Variants in POGLUT2 observed in about 807,000 individuals in gnomAD.
POGLUT2 encodes protein O-glucosyltransferase 2.
Under a neutral mutation model 57.6 loss-of-function variants are expected in POGLUT2, and 47 were observed. The ratio of observed to expected loss-of-function variants is 0.82; its 90% CI spans 0.65 to 1.04. The LOEUF is 1.04. Ranked by LOEUF, POGLUT2 falls within the 50% of genes least tolerant of loss-of-function variation. The pLI, the probability that POGLUT2 is intolerant of heterozygous loss-of-function variation, is 0.00. For missense variants in POGLUT2, 565 were observed against 614.8 expected (o/e 0.92, Z 0.86); for synonymous variants, 200 against 218.8 (o/e 0.91, Z 0.76).
Position 102,789,113 on chromosome 13 carries a change from A to C in POGLUT2, c.1192T>G (p.Phe398Val). ...TTCCAGGGCTGCAGCTCATTGTAAA[A>C]ATGTTCATAGTAGATGGAATCCTGC... ...LKQDSIYYEH[F>V]YNELQPWKHY... Residue 398 changes from phenylalanine to valine, a missense_variant, in exon 7 of 10, where the codon TTT becomes GTT. Transcript: ENST00000376004. 1 of 1,614,154 alleles carries C rather than the reference A, an allele frequency of 6.2e-7. No individual in the cohort carries two copies. Among genetic ancestry groups the C allele is most frequent in the Middle Eastern group, 1.6e-4 (1 of 6,062 alleles).
intron 2 of POGLUT2, among the ~76,000 whole-genome samples, chr13:102,794,061 G>A (rs1398778921): frequency 1.3e-5 from 2 of 151,626 alleles, no homozygotes; most frequent in Admixed American, 1.3e-4. Context: ...AACACAGGGA[G>A]ACCATGTCTC....
intron 4 of POGLUT2, among the ~76,000 whole-genome samples, chr13:102,791,789 T>C (rs907706346): frequency 1.3e-5 from 2 of 152,130 alleles, no homozygotes; most frequent in African/African-American, 2.4e-5. Context: ...TTAAAAAACA[T>C]ACACCAGGTA....
At chr13:102,790,607 A>G (rs960814328) in intron 6 of POGLUT2, among the ~76,000 whole-genome samples, 1 of 152,226 alleles carries the variant, frequency 6.6e-6, no homozygotes, top group Non-Finnish European at 1.5e-5. Flanking sequence ...GTAAGTATTA[A>G]TAAAAACATA....
At chr13:102,797,525 C>T (rs558469652) in intron 1 of POGLUT2, among the ~76,000 whole-genome samples, 1 of 152,016 alleles carries the variant, frequency 6.6e-6, no homozygotes, top group African/African-American at 2.4e-5. Context: ...GCCAGGAGTT[C>T]GAGATCAGCC....
chr13:102,798,527 G>A lies in POGLUT2; in HGVS notation c.144C>T (p.Arg48=), dbSNP rs767848413. ...GLKADVVLPA[R]YFYIQAVDTS... The stretch of plus-strand genomic sequence containing the variant: ...TATCCACTGCCTGAATATAGAAATA[G>A]CGGGCGGGAAGGACGACGTCTGCTT... Residue 48 remains arginine, a synonymous_variant, in exon 1 of 10, where the codon CGC becomes CGT. Coordinates refer to ENST00000376004, the MANE Select transcript of POGLUT2 (RefSeq NM_024089.3). 1.2e-6 allele frequency: 2 copies of A among 1,612,320 alleles called. No individual in the cohort carries two copies. Among genetic ancestry groups the A allele is most frequent in the Non-Finnish European group, 1.7e-6 (2 of 1,179,142 alleles).
chr13:102,787,471 G>T (rs1209675486), intron 8 of POGLUT2, among the ~76,000 whole-genome samples: 1 of 152,192 alleles, frequency 6.6e-6, no homozygotes, highest in Admixed American at 6.5e-5. Context: ...CAAGACAAGA[G>T]GCCCAAACAC....
intron 2 of POGLUT2, among the ~76,000 whole-genome samples, chr13:102,796,293 C>CAAAAAAAAAAAAAAAAAAA (rs151064207): frequency 9.9e-6 from 1 of 100,732 alleles, no homozygotes; most frequent in African/African-American, 3.7e-5. Context: ...GACTCTGCCT[C>CAAAAAAAAAAAAAAAAAAA]AAAAAAAAAA....
intron 4 of POGLUT2, 89 bp from the exon 5 acceptor site, chr13:102,791,519 T>C: frequency 8.3e-7 from 1 of 1,211,114 alleles, no homozygotes; most frequent in East Asian, 2.4e-5. Flanking sequence ...ATTGCATTAA[T>C]GAAAGGCCAA....
Position 102,785,577 on chromosome 13 carries a change from C to A in POGLUT2, c.1491+655G>T, listed in dbSNP as rs185105084. ...CCCTGCCACACTATAGCTTTATATA[C>A]AAGCACACACAATCACAATCTGATG... is the stretch of plus-strand genomic sequence containing the variant. On this transcript the variant is annotated intron_variant, in intron 9 of 9. Transcript: ENST00000376004. Among the ~76,000 whole-genome samples the A allele has an allele frequency of 1.8e-3, 281 of 152,182 alleles. 2 individuals are homozygous for A. Among genetic ancestry groups the A allele is most frequent in the African/African-American group, 6.4e-3 (267 of 41,516 alleles).
At chr13:102,788,009 AC>A (rs1230308745) in intron 7 of POGLUT2, 86 bp from the exon 8 acceptor site, 1 of 675,592 alleles carries the variant, frequency 1.5e-6, no homozygotes, top group African/African-American at 1.8e-5. Context: ...GAGTATGTAT[AC>A]ATTGGGGCAA....
chr13:102,786,444 G>A (rs1014391397), intron 8 of POGLUT2, 105 bp from the exon 9 acceptor site: 2 of 776,632 alleles, frequency 2.6e-6, no homozygotes, highest in African/African-American at 3.4e-5. Flanking sequence ...ACTCATGTGT[G>A]TCAAACTGTG....
In POGLUT2 at chr13:102,784,405, GTC is replaced by G; in HGVS notation, c.*88_*89del. The G allele has an allele frequency of 2.6e-6, 2 of 766,392 alleles. No homozygotes were observed. The highest frequency in any genetic ancestry group is 4.5e-6 in the Non-Finnish European group (2 of 440,884). 47.5% of individuals were successfully genotyped at this position (766,392 alleles called of 1,614,324 possible). ...CAAACAATCACACAGATTTTATATT[GTC>G]CATGGAATTAATACTTAAAAAAATT... On this transcript the variant is annotated 3_prime_UTR_variant, in exon 10 of 10. Coordinates refer to ENST00000376004, the MANE Select transcript of POGLUT2 (RefSeq NM_024089.3).
At chr13:102,787,758 T>C in intron 8 of POGLUT2, 76 bp downstream of exon 8, 1 of 729,270 alleles carries the variant, frequency 1.4e-6, no homozygotes, top group South Asian at 2.6e-5. Flanking sequence ...TGTTTAGAAA[T>C]TGTTAAGTAA....
chr13:102,787,220 T>A (rs1236414610), intron 8 of POGLUT2, among the ~76,000 whole-genome samples: 1 of 152,032 alleles, frequency 6.6e-6, no homozygotes, highest in East Asian at 1.9e-4. Context: ...CTAATTTTTG[T>A]ATTTTTAGTA....
In POGLUT2 at chr13:102,796,969, C is replaced by A. The variant is rs200980571; in HGVS notation, c.223G>T (p.Val75Phe). 1 of 1,613,640 alleles carries A rather than the reference C, an allele frequency of 6.2e-7. No homozygotes were observed. The highest frequency in any genetic ancestry group is 8.5e-7 in the Non-Finnish European group (1 of 1,179,790). The change falls in exon 2 of 10, where the codon GTC becomes TTC. Residue 75 changes from valine to phenylalanine, a missense_variant. Physicochemically the swap from Val to Phe is conservative, Grantham distance 50. Coordinates refer to ENST00000376004, the MANE Select transcript of POGLUT2 (RefSeq NM_024089.3). ...GTGAATTGCTCCTCTGGTGCTGAGACTTTCACCTGGAAGACCTTTTCGCCT... is the reference window on the plus strand; with the variant it reads ...GTGAATTGCTCCTCTGGTGCTGAGAATTTCACCTGGAAGACCTTTTCGCCT... ...SPGEKVFQVK[V>F]SAPEEQFTRV...
At chr13:102,788,688 G>C (rs1281050528) in intron 7 of POGLUT2, among the ~76,000 whole-genome samples, 10 of 152,226 alleles carry the variant, frequency 6.6e-5, no homozygotes, top group Non-Finnish European at 1.3e-4. Flanking sequence ...GTTTGACCAT[G>C]TTAGCCAGGC....
chr13:102,787,918 T>C lies in POGLUT2; in HGVS notation c.1299A>G (p.Lys433=). 4 of 1,591,692 alleles carry C rather than the reference T, an allele frequency of 2.5e-6. No homozygotes were observed. The highest frequency in any genetic ancestry group is 3.4e-6 in the Non-Finnish European group (4 of 1,164,676). Residue 433 remains lysine, a synonymous_variant, in exon 8 of 10, where the codon AAA becomes AAG. Coordinates refer to ENST00000376004, the MANE Select transcript of POGLUT2 (RefSeq NM_024089.3). ...KWAKDHDEEA[K]KIAKAGQEFA... ...ATTCTTGTCCTGCTTTTGCTATCTTTTTGGCCTACAGGAAGAACAACGACA... is the reference window on the plus strand; with the variant it reads ...ATTCTTGTCCTGCTTTTGCTATCTTCTTGGCCTACAGGAAGAACAACGACA...
At position 102,793,683 on chromosome 13, in the gene POGLUT2, T is replaced by TC. The variant is rs1439178226; in HGVS notation, c.511dup (p.Asp171GlyfsTer27). ...GATTTCTACTGCAATCTTTTCTGGATCCACAGCAGGGAAATGTGCCAGATC... is the reference window on the plus strand; with the variant it reads ...GATTTCTACTGCAATCTTTTCTGGATCCCACAGCAGGGAAATGTGCCAGATC... On this transcript the variant is annotated frameshift_variant, in exon 3 of 10. Transcript: ENST00000376004. LOFTEE classifies it high-confidence loss of function. The TC allele has an allele frequency of 6.2e-7, 1 of 1,614,090 alleles. No individual in the cohort carries two copies. The highest frequency in any genetic ancestry group is 1.3e-5 in the African/African-American group (1 of 74,922).
intron 2 of POGLUT2, 107 bp downstream of exon 2, chr13:102,796,697 A>ATATATATAT (rs1555319602): frequency 1.4e-5 from 2 of 139,112 alleles, no homozygotes; most frequent in African/African-American, 7.4e-5. Flanking sequence ...AAAAAAAAAA[A>ATATATATAT]AAATATATAT....
Sources: gnomAD v4.1 joint callset for allele counts (sites outside exome capture counted in the v4.1 genomes callset) on GRCh38, gnomAD v4.1.1 for gene constraint, MANE v1.5 for transcripts, NCBI Gene and HGNC (gene_info 2026-07-23, HGNC 2026-07-21) for gene names.